INSIG2: variants seen among roughly 807,000 people sequenced by gnomAD.
The protein encoded by INSIG2 is insulin-induced gene 2 protein.
In INSIG2, 10 loss-of-function variants were observed where a neutral mutation model predicts 27.2. The observed-to-expected ratio is 0.37, with a 90% CI of 0.23 to 0.62. The LOEUF (loss-of-function observed/expected upper bound fraction) is 0.62, where lower values mean the gene tolerates loss of function less well. Among genes scored for constraint, INSIG2 ranks in the 20% least tolerant of loss-of-function variants. The pLI, the probability that INSIG2 is intolerant of heterozygous loss-of-function variation, is 0.65. For synonymous variants in INSIG2, 97 were observed against 95.8 expected (o/e 1.01, Z -0.07); for missense variants, 178 against 270.2 (o/e 0.66, Z 2.39).
At chr2:118,098,688 C>T (rs1462629152) in intron 2 of INSIG2, among the ~76,000 whole-genome samples, 5 of 152,188 alleles carry the variant, frequency 3.3e-5, no homozygotes, top group Non-Finnish European at 7.4e-5. Context: ...CTGTCTTGTC[C>T]TTCTGCCCCT....
At chr2:118,106,713 A>G (rs764031224) in intron 3 of INSIG2, 24 bp from the exon 4 acceptor site, 1 of 1,594,940 alleles carries the variant, frequency 6.3e-7, no homozygotes, top group East Asian at 2.2e-5. Flanking sequence ...AACTTTTAAG[A>G]TGACTTCTTA....
At chr2:118,090,995 T>C (rs918394262) in intron 1 of INSIG2, among the ~76,000 whole-genome samples, 14 of 152,216 alleles carry the variant, frequency 9.2e-5, no homozygotes, top group Non-Finnish European at 2.1e-4. Context: ...AGAGACTTTT[T>C]CCCTGGTCAG....
In INSIG2 at chr2:118,109,792, A is replaced by G. The variant is rs1678770058; in HGVS notation, c.*1470A>G. 1 of 152,250 alleles carries G rather than the reference A, an allele frequency of 6.6e-6. No homozygotes were observed. Among genetic ancestry groups the G allele is most frequent in the Non-Finnish European group, 1.5e-5 (1 of 67,972 alleles). The allele number at this position is 152,250 out of a possible 1,614,324, so 9.4% of individuals were successfully genotyped here. A position where few individuals can be genotyped will look rare whatever the true frequency, so the allele number is the denominator to read the frequency against. On this transcript the variant is annotated 3_prime_UTR_variant, in exon 6 of 6. Transcript: ENST00000245787. The stretch of plus-strand genomic sequence containing the variant: ...CTGAAGGTGTGAAAATCCTAAGAGG[A>G]TTTCATATTGAATATGTGTACACAA...
chr2:118,089,860 A>G (rs926815491), intron 1 of INSIG2, among the ~76,000 whole-genome samples: 7 of 152,214 alleles, frequency 4.6e-5, no homozygotes, highest in African/African-American at 1.7e-4. Flanking sequence ...TCTCGAAACG[A>G]TGGAGTAACT....
intron 5 of INSIG2, among the ~76,000 whole-genome samples, chr2:118,107,402 A>T (rs1678701049): frequency 6.6e-6 from 1 of 152,238 alleles, no homozygotes; most frequent in East Asian, 1.9e-4. Flanking sequence ...TGTGTTATGG[A>T]TAGGGCAATA....
chr2:118,108,222 A>T, intron 5 of INSIG2, 59 bp from the exon 6 acceptor site: 1 of 1,090,908 alleles, frequency 9.2e-7, no homozygotes, highest in Non-Finnish European at 1.4e-6. Flanking sequence ...GTTTATTTGG[A>T]AGTTGCTATT....
chr2:118,096,623 A>T lies in INSIG2; in HGVS notation c.67A>T (p.Ser23Cys), dbSNP rs1422770618. The change falls in exon 2 of 6, where the codon AGC (serine) becomes TGC (cysteine). Residue 23 changes from serine to cysteine, a missense_variant. Coordinates refer to ENST00000245787, the MANE Select transcript of INSIG2 (RefSeq NM_016133.4). ...KCGPYISSVT[S>C]QSVNLMIRGV... ...TGGCCCATATATTTCATCTGTCACTAGCCAGAGTGTGAACTTGATGATTCG... is the reference window on the plus strand; with the variant it reads ...TGGCCCATATATTTCATCTGTCACTTGCCAGAGTGTGAACTTGATGATTCG... 1.9e-6 allele frequency: 3 copies of T among 1,613,862 alleles called. No individual in the cohort carries two copies. The highest frequency in any genetic ancestry group is 2.5e-6 in the Non-Finnish European group (3 of 1,179,824).
At chr2:118,091,835 C>G (rs1467957246) in intron 1 of INSIG2, among the ~76,000 whole-genome samples, 2 of 152,162 alleles carry the variant, frequency 1.3e-5, no homozygotes, top group African/African-American at 2.4e-5. Flanking sequence ...CAGAAAGTCT[C>G]TAGCTGTCTT....
At chr2:118,107,269 G>A in intron 5 of INSIG2, 80 bp downstream of exon 5, 1 of 898,502 alleles carries the variant, frequency 1.1e-6, no homozygotes. Context: ...TTAAGGGAAA[G>A]CAATTTGTGA....
intron 1 of INSIG2, among the ~76,000 whole-genome samples, chr2:118,092,574 G>A (rs1213816041): frequency 2.0e-5 from 3 of 152,144 alleles, no homozygotes; most frequent in South Asian, 4.1e-4. Context: ...GGAATTCAAG[G>A]TATAGAGGCA....
intron 2 of INSIG2, 37 bp from the exon 3 acceptor site, chr2:118,103,160 T>C: frequency 6.3e-7 from 1 of 1,598,800 alleles, no homozygotes; most frequent in Non-Finnish European, 8.5e-7. Flanking sequence ...CAGTACAACA[T>C]TGGAGGTAAC....
At chr2:118,098,505 G>A (rs1573572585) in intron 2 of INSIG2, among the ~76,000 whole-genome samples, 1 of 152,166 alleles carries the variant, frequency 6.6e-6, no homozygotes, top group African/African-American at 2.4e-5. Flanking sequence ...GAAGGGAAAA[G>A]GAAGCTACTC....
In INSIG2 at chr2:118,096,502, G is replaced by C; in HGVS notation, c.-55G>C. ...GATTCACAGACAGTTGAGCTTTTCA[G>C]CTGGGAAGCCTTTCCATTTTTTTTT... On this transcript the variant is annotated 5_prime_UTR_variant, in exon 2 of 6. Transcript: ENST00000245787. 2 of 1,544,900 alleles carry C rather than the reference G, an allele frequency of 1.3e-6. No individual in the cohort carries two copies. Among genetic ancestry groups the C allele is most frequent in the Non-Finnish European group, 1.7e-6 (2 of 1,152,792 alleles).
chr2:118,090,573 C>CT (rs1187973964), intron 1 of INSIG2, among the ~76,000 whole-genome samples: 1 of 152,142 alleles, frequency 6.6e-6, no homozygotes, highest in African/African-American at 2.4e-5. Flanking sequence ...ATTATTTCAA[C>CT]TTTTTTTCTT....
At chr2:118,095,415 T>A (rs1678383126) in intron 1 of INSIG2, among the ~76,000 whole-genome samples, 1 of 152,208 alleles carries the variant, frequency 6.6e-6, no homozygotes, top group Non-Finnish European at 1.5e-5. Flanking sequence ...GTGAACTAGG[T>A]CAAGTGACTT....
At chr2:118,099,325 T>C (rs938053884) in intron 2 of INSIG2, among the ~76,000 whole-genome samples, 3 of 152,212 alleles carry the variant, frequency 2.0e-5, no homozygotes, top group East Asian at 3.9e-4. Flanking sequence ...AATCACCACC[T>C]TCTGTGTGTA....
At position 118,110,588 on chromosome 2, in the gene INSIG2, TA is replaced by T. The variant is rs1481245471; in HGVS notation, c.*2269del. 7 of 152,184 alleles carry T rather than the reference TA, an allele frequency of 4.6e-5. No individual in the cohort carries two copies. The highest frequency in any genetic ancestry group is 1.7e-4 in the African/African-American group (7 of 41,446). 9.4% of individuals were successfully genotyped at this position (152,184 alleles called of 1,614,324 possible). A position where few individuals can be genotyped will look rare whatever the true frequency, so the allele number is the denominator to read the frequency against. ...ACTGAATGATTATCGTTGGTGTTCT[TA>T]AATTATTTTCAGGTCCTCTAGAAAA... is the stretch of plus-strand genomic sequence containing the variant. On this transcript the variant is annotated 3_prime_UTR_variant, in exon 6 of 6. Coordinates refer to ENST00000245787, the MANE Select transcript of INSIG2 (RefSeq NM_016133.4).
At chr2:118,102,335 A>G (rs1329381213) in intron 2 of INSIG2, among the ~76,000 whole-genome samples, 2 of 152,234 alleles carry the variant, frequency 1.3e-5, no homozygotes, top group Non-Finnish European at 2.9e-5. Flanking sequence ...AGGGATGAGA[A>G]TATTTTGGGA....
chr2:118,096,711 A>G lies in INSIG2; in HGVS notation c.155A>G (p.Gln52Arg), dbSNP rs1558833909. 1.2e-6 allele frequency: 2 copies of G among 1,614,062 alleles called. No homozygotes were observed. The highest frequency in any genetic ancestry group is 1.7e-6 in the Non-Finnish European group (2 of 1,179,956). Residue 52 changes from glutamine to arginine, a missense_variant, in exon 2 of 6, where the codon CAG becomes CGG. Transcript: ENST00000245787. ...LALVLNLLQI[Q>R]RNVTLFPPDV... ...TTAGTGTTAAATTTACTTCAGATTC[A>G]GAGAAATGTGACGCTCTTTCCACCT...
Sources: gnomAD v4.1 joint callset for allele counts (sites outside exome capture counted in the v4.1 genomes callset) on GRCh38, gnomAD v4.1.1 for gene constraint, MANE v1.5 for transcripts, NCBI Gene and HGNC (gene_info 2026-07-23, HGNC 2026-07-21) for gene names.